ERP44: variants seen among roughly 807,000 people sequenced by gnomAD.
ERP44 encodes endoplasmic reticulum protein 44.
In ERP44, 25 loss-of-function variants were observed where a neutral mutation model predicts 53.4. That is an observed-to-expected ratio of 0.47 (90% confidence interval 0.34 to 0.65). The LOEUF (loss-of-function observed/expected upper bound fraction) is 0.65, where lower values mean the gene tolerates loss of function less well. Among genes scored for constraint, ERP44 ranks in the 30% least tolerant of loss-of-function variants. ERP44 has a pLI of 0.01. For synonymous variants in ERP44, 145 were observed against 161.2 expected, an observed-to-expected ratio of 0.90 and a Z score of 0.76; for missense variants, 338 against 493.2, an observed-to-expected ratio of 0.69 and a Z score of 2.98.
chr9:100,035,935 A>T (rs886093704), intron 4 of ERP44, among the ~76,000 whole-genome samples: 67 of 152,190 alleles, frequency 4.4e-4, no homozygotes, highest in African/African-American at 1.6e-3. Context: ...GAGGCACTTA[A>T]ACAACTGTTG....
At chr9:100,063,114 G>C (rs543242043) in intron 1 of ERP44, among the ~76,000 whole-genome samples, 22 of 92,458 alleles carry the variant, frequency 2.4e-4, no homozygotes, top group African/African-American at 6.8e-4. Flanking sequence ...GAGGGAAATT[G>C]ATTTTACCTT....
chr9:100,034,677 G>A (rs1825830202), intron 4 of ERP44, among the ~76,000 whole-genome samples: 1 of 152,044 alleles, frequency 6.6e-6, no homozygotes, highest in Non-Finnish European at 1.5e-5. Flanking sequence ...TGGGCAGTAT[G>A]GCCATTTTAA....
intron 1 of ERP44, among the ~76,000 whole-genome samples, chr9:100,068,028 TG>T (rs1172286689): frequency 1.7e-5 from 2 of 119,558 alleles, no homozygotes; most frequent in East Asian, 2.6e-4. Context: ...GGGAGGGAGG[TG>T]GGGGGGTCAG....
rs1005835900 is a variant in ERP44, at chr9:99,981,079, T to C, written c.*1533A>G. 1.3e-5 allele frequency: 2 copies of C among 152,014 alleles called. No homozygotes were observed. Among genetic ancestry groups the C allele is most frequent in the African/African-American group, 4.8e-5 (2 of 41,458 alleles). The allele number at this position is 152,014 out of a possible 1,614,324, so 9.4% of individuals were successfully genotyped here. Reference sequence around the variant, plus strand: ...GGTCCATAATCTAACCTGAAGACCATAACTCTAACTTCATTTAACTTATTG... The same window carrying C: ...GGTCCATAATCTAACCTGAAGACCACAACTCTAACTTCATTTAACTTATTG... On this transcript the variant is annotated 3_prime_UTR_variant, in exon 12 of 12. Transcript: ENST00000262455.
Position 100,098,969 on chromosome 9 carries a change from G to GAA in ERP44, c.-130_-129insTT. 5.7e-6 allele frequency: 4 copies of GAA among 702,818 alleles called. No homozygotes were observed. In the South Asian group the frequency reaches 6.7e-5, roughly 12 times the overall value. The allele number at this position is 702,818 out of a possible 1,614,324, so 43.5% of individuals were successfully genotyped here. On this transcript the variant is annotated 5_prime_UTR_variant, in exon 1 of 12. Transcript: ENST00000262455. ...AGGATTCTCCAGGCAGCGGCACCTC[G>GAA]TCCTCTCGACCCGGGCTCCAGCGGC...
intron 4 of ERP44, among the ~76,000 whole-genome samples, chr9:100,024,482 A>G (rs970370387): frequency 1.3e-5 from 2 of 151,072 alleles, no homozygotes; most frequent in Non-Finnish European, 1.5e-5. Flanking sequence ...GTTTGCTTAT[A>G]TAGTTGTCTC....
intron 1 of ERP44, 102 bp downstream of exon 1, chr9:100,098,682 G>A (rs898761249): frequency 1.0e-6 from 1 of 1,002,374 alleles, no homozygotes; most frequent in South Asian, 1.4e-5. Context: ...AACACTGCAG[G>A]AAAAGACGGA....
Position 100,091,351 on chromosome 9 carries a change from C to T in ERP44, c.57+7433G>A, listed in dbSNP as rs1017547755. Among the ~76,000 whole-genome samples the T allele has an allele frequency of 1.2e-4, 19 of 152,276 alleles. No homozygotes were observed. In the East Asian group the frequency reaches 2.1e-3, roughly 17 times the overall value. On this transcript the variant is annotated intron_variant, in intron 1 of 11. Transcript: ENST00000262455. ...TACAGAAGGGACTTCTCCAAAGTGGCATTTTATTCCTCTCCCCTCTTGAAT... is the reference window on the plus strand; with the variant it reads ...TACAGAAGGGACTTCTCCAAAGTGGTATTTTATTCCTCTCCCCTCTTGAAT...
chr9:100,027,667 A>C (rs771408967), intron 4 of ERP44, among the ~76,000 whole-genome samples: 3 of 152,192 alleles, frequency 2.0e-5, no homozygotes, highest in Non-Finnish European at 4.4e-5. Context: ...ATGGTCACTT[A>C]CTTTTCCTTG....
At chr9:100,030,498 T>C (rs911686134) in intron 4 of ERP44, among the ~76,000 whole-genome samples, 2 of 152,136 alleles carry the variant, frequency 1.3e-5, no homozygotes, top group African/African-American at 4.8e-5. Context: ...GGCAAGGACA[T>C]CTGGTGGAAC....
At chr9:99,983,952 C>T (rs552557558) in intron 11 of ERP44, among the ~76,000 whole-genome samples, 1 of 152,152 alleles carries the variant, frequency 6.6e-6, no homozygotes, top group Admixed American at 6.5e-5. Context: ...CAGGATAATA[C>T]AATAACGGTA....
chr9:100,097,023 G>C (rs578129264), intron 1 of ERP44, among the ~76,000 whole-genome samples: 1 of 152,244 alleles, frequency 6.6e-6, no homozygotes, highest in Non-Finnish European at 1.5e-5. Flanking sequence ...TGTAATTCTA[G>C]TTTAAACCTT....
intron 10 of ERP44, among the ~76,000 whole-genome samples, chr9:99,991,986 A>G (rs1380083747): frequency 6.6e-6 from 1 of 152,182 alleles, no homozygotes; most frequent in Non-Finnish European, 1.5e-5. Flanking sequence ...GAATCCCTGA[A>G]TAGACCAATA....
chr9:100,067,967 C>T (rs553279997), intron 1 of ERP44, among the ~76,000 whole-genome samples: 4 of 151,742 alleles, frequency 2.6e-5, no homozygotes, highest in South Asian at 2.1e-4. Flanking sequence ...GCAGCCACCC[C>T]GTCCGGGAGG....
chr9:100,086,780 G>A (rs2118755553), intron 1 of ERP44, among the ~76,000 whole-genome samples: 1 of 152,238 alleles, frequency 6.6e-6, no homozygotes, highest in African/African-American at 2.4e-5. Flanking sequence ...CAGAAATCCA[G>A]ACCATAGAAC....
intron 1 of ERP44, among the ~76,000 whole-genome samples, chr9:100,068,008 C>T (rs1256196367): frequency 4.6e-5 from 7 of 150,780 alleles, no homozygotes; most frequent in Admixed American, 6.6e-5. Context: ...CCAGGCCAGC[C>T]GCCCCGTCCG....
intron 1 of ERP44, among the ~76,000 whole-genome samples, chr9:100,090,841 A>G (rs2118760689): frequency 6.6e-6 from 1 of 152,168 alleles, no homozygotes; most frequent in East Asian, 1.9e-4. Context: ...TAACTCTAAC[A>G]TTTTATTTTG....
chr9:100,085,666 G>A (rs1285100723), intron 1 of ERP44, among the ~76,000 whole-genome samples: 1 of 152,176 alleles, frequency 6.6e-6, no homozygotes, highest in Non-Finnish European at 1.5e-5. Flanking sequence ...TTGGGAGGCC[G>A]AGGCAGGTGG....
At chr9:100,056,139 A>G (rs1826086057) in intron 3 of ERP44, among the ~76,000 whole-genome samples, 1 of 152,226 alleles carries the variant, frequency 6.6e-6, no homozygotes, top group African/African-American at 2.4e-5. Flanking sequence ...AAGTCGTTCT[A>G]GTTTTTCTTC....
Sources: allele counts gnomAD v4.1 joint callset (sites outside exome capture counted in the v4.1 genomes callset), GRCh38; gene constraint gnomAD v4.1.1; transcripts MANE v1.5; gene names NCBI Gene and HGNC (gene_info 2026-07-23, HGNC 2026-07-21).